Variants in DOCK2 observed in about 807,000 individuals in gnomAD.
DOCK2 encodes dedicator of cytokinesis 2.
Under a neutral mutation model 248.9 loss-of-function variants are expected in DOCK2, and 87 were observed. The ratio of observed to expected loss-of-function variants is 0.35; its 90% CI spans 0.29 to 0.42. The LOEUF (loss-of-function observed/expected upper bound fraction) is 0.42, where lower values mean the gene tolerates loss of function less well. DOCK2 is among the 10% of genes least tolerant of loss of function. The pLI is 1.00. For synonymous variants in DOCK2, 805 were observed against 821.6 expected (o/e 0.98, Z 0.35); for missense variants, 1,747 against 2,300.2 (o/e 0.76, Z 4.92).
At position 169,818,521 on chromosome 5, in the gene DOCK2, A is replaced by G. The variant is rs543285193; in HGVS notation, c.2703+15315A>G. 2.6e-5 allele frequency among the ~76,000 whole-genome samples: 4 copies of G among 152,274 alleles called. No individual in the cohort carries two copies. In the East Asian group the frequency reaches 7.7e-4, roughly 29 times the overall value. On this transcript the variant is annotated intron_variant, in intron 26 of 51. Coordinates refer to ENST00000520908, the MANE Select transcript of DOCK2 (RefSeq NM_004946.3). ...TCAGCTTATCTCTCCATGTTTTGTT[A>G]ATTCATAAAACCAAGTTGCTGAGTA...
intron 2 of DOCK2, among the ~76,000 whole-genome samples, chr5:169,665,563 C>T (rs922550770): frequency 2.0e-5 from 3 of 152,158 alleles, no homozygotes; most frequent in Non-Finnish European, 4.4e-5. Context: ...TACCCCTCCT[C>T]TATTCTTTTT....
At chr5:169,718,245 G>C (rs1052004622) in intron 21 of DOCK2, among the ~76,000 whole-genome samples, 13 of 152,062 alleles carry the variant, frequency 8.5e-5, no homozygotes, top group Admixed American at 7.2e-4. Flanking sequence ...GTAATTTGAA[G>C]TCTGCCCTAT....
chr5:169,989,934 T>C (rs1012429239), intron 29 of DOCK2, among the ~76,000 whole-genome samples: 1 of 152,226 alleles, frequency 6.6e-6, no homozygotes, highest in African/African-American at 2.4e-5. Flanking sequence ...GGATCTTGTC[T>C]ACCTTTTCAT....
chr5:170,076,919 C>T (rs1176862257), intron 47 of DOCK2, among the ~76,000 whole-genome samples: 3 of 152,180 alleles, frequency 2.0e-5, no homozygotes, highest in African/African-American at 7.2e-5. Context: ...GTCTTAGACA[C>T]TTCCCACTTC....
chr5:169,803,066 G>T lies in DOCK2; in HGVS notation c.2563G>T (p.Asp855Tyr). ...SNLFKKQECR[D>Y]ILLPVITKEL... ...AACTGTCTTTATTCCAGAATGCCGG[G>T]ACATTCTGCTTCCTGTCATCACCAA... is the stretch of plus-strand genomic sequence containing the variant. The change falls in exon 26 of 52, where the codon GAC becomes TAC. Residue 855 changes from aspartate to tyrosine, a missense_variant. By Grantham distance (160) the Asp-to-Tyr change is radical. Transcript: ENST00000520908. The T allele has an allele frequency of 5.6e-6, 9 of 1,614,090 alleles. No individual in the cohort carries two copies. The highest frequency in any genetic ancestry group is 6.8e-6 in the Non-Finnish European group (8 of 1,179,984).
chr5:170,044,078 C>A (rs992806703), intron 38 of DOCK2, among the ~76,000 whole-genome samples: 1 of 152,158 alleles, frequency 6.6e-6, no homozygotes, highest in Admixed American at 6.5e-5. Flanking sequence ...AGAAGGAAGC[C>A]CAAACTCCTC....
At chr5:169,658,479 C>CAAA (rs5873187) in intron 2 of DOCK2, among the ~76,000 whole-genome samples, 15,659 of 75,586 alleles carry the variant, frequency 0.21, 2,019 homozygotes, top group East Asian at 0.3. Context: ...GCCTCCGTCT[C>CAAA]AAAAAAAAAA....
intron 44 of DOCK2, among the ~76,000 whole-genome samples, chr5:170,063,163 G>T (rs1171437368): frequency 6.6e-6 from 1 of 152,188 alleles, no homozygotes. Context: ...ATACAGGCAT[G>T]AAAGCACTTC....
At chr5:169,794,173 C>G (rs1326569183) in intron 25 of DOCK2, among the ~76,000 whole-genome samples, 1 of 151,920 alleles carries the variant, frequency 6.6e-6, no homozygotes, top group Non-Finnish European at 1.5e-5. Context: ...CGGGTCTGAA[C>G]ATTCCAGGTT....
At chr5:169,930,771 C>T (rs537959292) in intron 27 of DOCK2, among the ~76,000 whole-genome samples, 4 of 152,214 alleles carry the variant, frequency 2.6e-5, no homozygotes, top group East Asian at 1.9e-4. Flanking sequence ...GTGGGTGAGC[C>T]TCCATTTCCA....
chr5:170,031,609 T>C (rs775344736), intron 34 of DOCK2, among the ~76,000 whole-genome samples: 1 of 152,202 alleles, frequency 6.6e-6, no homozygotes, highest in Non-Finnish European at 1.5e-5. Context: ...GGTAGTATCA[T>C]TATATATTAT....
chr5:169,670,627 C>T, intron 4 of DOCK2, 30 bp downstream of exon 4: 1 of 1,612,384 alleles, frequency 6.2e-7, no homozygotes, highest in Non-Finnish European at 8.5e-7. Context: ...AGACTTGAGC[C>T]TCCAGTGGCT....
intron 27 of DOCK2, among the ~76,000 whole-genome samples, chr5:169,871,856 G>A (rs984672708): frequency 2.0e-5 from 3 of 152,124 alleles, no homozygotes; most frequent in African/African-American, 7.2e-5. Context: ...CAATTTCAGG[G>A]CAGCCTTGAA....
At chr5:169,879,102 C>T (rs543712495) in intron 27 of DOCK2, among the ~76,000 whole-genome samples, 3 of 152,294 alleles carry the variant, frequency 2.0e-5, no homozygotes, top group South Asian at 2.1e-4. Context: ...CTGCTGGAGC[C>T]TCTGGGAAAT....
rs1758087150 is a variant in DOCK2 at position 170,082,956 on chromosome 5, C to A, written c.*98C>A. On this transcript the variant is annotated 3_prime_UTR_variant, in exon 52 of 52. Coordinates refer to ENST00000520908, the MANE Select transcript of DOCK2 (RefSeq NM_004946.3). ...CATCGAAGCCTCAGAGAGTGGGAGA[C>A]TGTCCCCATCAGTTGTCCTTACTTA... 2 of 1,489,866 alleles carry A rather than the reference C, an allele frequency of 1.3e-6. No individual in the cohort carries two copies. The highest frequency in any genetic ancestry group is 1.2e-5 in the South Asian group (1 of 86,506). The allele number at this position is 1,489,866 out of a possible 1,614,324, so 92.3% of individuals were successfully genotyped here.
chr5:169,955,615 A>G (rs1776833390), intron 27 of DOCK2, among the ~76,000 whole-genome samples: 1 of 152,166 alleles, frequency 6.6e-6, no homozygotes, highest in African/African-American at 2.4e-5. Flanking sequence ...GGTTCTGAGG[A>G]CCGTGTATGA....
chr5:169,919,002 A>G (rs1775029152), intron 27 of DOCK2, among the ~76,000 whole-genome samples: 1 of 152,212 alleles, frequency 6.6e-6, no homozygotes, highest in Non-Finnish European at 1.5e-5. Flanking sequence ...AACCAGTAAC[A>G]AGGGTTATGT....
intron 27 of DOCK2, among the ~76,000 whole-genome samples, chr5:169,966,960 A>G (rs956439716): frequency 3.9e-5 from 6 of 152,234 alleles, no homozygotes; most frequent in Non-Finnish European, 5.9e-5. Flanking sequence ...GTAGATAGCT[A>G]CTTTCCCAAT....
intron 27 of DOCK2, among the ~76,000 whole-genome samples, chr5:169,927,774 G>A (rs986615120): frequency 3.3e-5 from 5 of 152,086 alleles, no homozygotes; most frequent in Non-Finnish European, 7.4e-5. Flanking sequence ...CCGCCACCAC[G>A]CCTGGCTAAT....
Sources: allele counts gnomAD v4.1 joint callset (sites outside exome capture counted in the v4.1 genomes callset), GRCh38; gene constraint gnomAD v4.1.1; transcripts MANE v1.5; gene names NCBI Gene and HGNC (gene_info 2026-07-23, HGNC 2026-07-21).